The following NRCAM variants were observed in gnomAD, a reference collection of about 807,000 sequenced individuals.
NRCAM encodes the protein neuronal cell adhesion molecule.
NRCAM carries 83 observed loss-of-function variants against 156.5 expected under a neutral mutation model. The ratio of observed to expected loss-of-function variants is 0.53; its 90% CI spans 0.44 to 0.64. The LOEUF (loss-of-function observed/expected upper bound fraction) is 0.64, where lower values mean the gene tolerates loss of function less well. Among genes scored for constraint, NRCAM ranks in the 30% least tolerant of loss-of-function variants. The pLI is 0.00. For synonymous variants in NRCAM, 538 were observed against 563.9 expected, an observed-to-expected ratio of 0.95 and a Z score of 0.65; for missense variants, 1,417 against 1,597.3, an observed-to-expected ratio of 0.89 and a Z score of 1.92.
intron 5 of NRCAM, among the ~76,000 whole-genome samples, chr7:108,237,442 C>G (rs1381863704): frequency 1.3e-5 from 2 of 152,190 alleles, no homozygotes; most frequent in African/African-American, 2.4e-5. Flanking sequence ...TACAACAGAT[C>G]AGCATTCTCT....
intron 2 of NRCAM, among the ~76,000 whole-genome samples, chr7:108,321,131 T>C (rs1261392397): frequency 6.6e-6 from 1 of 152,244 alleles, no homozygotes; most frequent in Non-Finnish European, 1.5e-5. Flanking sequence ...CTGTCATTTA[T>C]ACAATTAAGA....
intron 3 of NRCAM, among the ~76,000 whole-genome samples, chr7:108,245,673 A>T (rs1015506605): frequency 2.0e-5 from 3 of 152,346 alleles, no homozygotes; most frequent in African/African-American, 7.2e-5. Flanking sequence ...TTCCAGAGAG[A>T]GTTCAGGCAT....
chr7:108,404,221 T>C (rs2099801119), intron 1 of NRCAM, among the ~76,000 whole-genome samples: 1 of 146,040 alleles, frequency 6.8e-6, no homozygotes, highest in South Asian at 2.3e-4. Flanking sequence ...ACGCCATCTC[T>C]GATGACCATT....
intron 8 of NRCAM, among the ~76,000 whole-genome samples, chr7:108,227,148 T>C (rs2093605218): frequency 6.6e-6 from 1 of 152,234 alleles, no homozygotes; most frequent in Admixed American, 6.5e-5. Flanking sequence ...TTCATCTGTT[T>C]TGTCCACTGG....
chr7:108,184,674 C>G (rs2065618177), intron 20 of NRCAM, 60 bp from the exon 21 acceptor site: 1 of 1,478,402 alleles, frequency 6.8e-7, no homozygotes, highest in Admixed American at 1.9e-5. Flanking sequence ...TCAGGGGTAG[C>G]TGCCAGCAAT....
At chr7:108,313,882 C>T (rs1318114178) in intron 2 of NRCAM, among the ~76,000 whole-genome samples, 1 of 152,022 alleles carries the variant, frequency 6.6e-6, no homozygotes, top group Non-Finnish European at 1.5e-5. Context: ...ATTCAGCAAA[C>T]TTATATTGAG....
In NRCAM at chr7:108,182,924, C is replaced by T. The variant is rs147845657; in HGVS notation, c.2305-4G>A. The T allele has an allele frequency of 1.2e-6, 2 of 1,612,270 alleles. No individual in the cohort carries two copies. The highest frequency in any genetic ancestry group is 1.7e-6 in the Non-Finnish European group (2 of 1,178,392). On this transcript the variant is annotated splice_region_variant and splice_polypyrimidine_tract_variant and intron_variant, in intron 22 of 32. Coordinates refer to ENST00000379028, the MANE Select transcript of NRCAM (RefSeq NM_001037132.4). ...TAGATTCGAAACCATTCAAGGGCTA[C>T]AAGGAAAGCCAAATAACCAGAGCTT...
At chr7:108,156,281 A>G (rs764587113) in intron 32 of NRCAM, 19 of 984,946 alleles carry the variant, frequency 1.9e-5, no homozygotes, top group Non-Finnish European at 2.3e-5. Flanking sequence ...AAGAGCCACC[A>G]ATTATGTAGT....
At chr7:108,385,660 A>C (rs2099738200) in intron 2 of NRCAM, among the ~76,000 whole-genome samples, 1 of 152,160 alleles carries the variant, frequency 6.6e-6, no homozygotes, top group African/African-American at 2.4e-5. Context: ...AATAATTAGA[A>C]AGGAGGGAGT....
chr7:108,239,254 T>C (rs1346487390), intron 4 of NRCAM, among the ~76,000 whole-genome samples: 2 of 152,194 alleles, frequency 1.3e-5, no homozygotes, highest in Admixed American at 1.3e-4. Flanking sequence ...GGAGGGCTAA[T>C]ACAGTAGCTG....
rs144741898 is a variant in NRCAM, at chr7:108,342,542, C to T, written c.-173-29811G>A. ...GTAAGATGGACACCTGAAGCAGAAG[C>T]GGCTTTCCAGGCCCTGAAGAAGGCC... On this transcript the variant is annotated intron_variant, in intron 2 of 32. Transcript: ENST00000379028. 6.2e-3 allele frequency among the ~76,000 whole-genome samples: 939 copies of T among 152,312 alleles called. 13 individuals are homozygous for T. The highest frequency in any genetic ancestry group is 0.02 in the African/African-American group (818 of 41,576).
chr7:108,184,136 T>TC lies in NRCAM; in HGVS notation c.2304+104dup, dbSNP rs1051998035. On this transcript the variant is annotated intron_variant, in intron 22 of 32. Transcript: ENST00000379028. ...TTTATATATATATATATATTTTTTT[T>TC]CCCCAGAAATAGGTGAAATGAGATT... 45 of 662,220 alleles carry TC rather than the reference T, an allele frequency of 6.8e-5. No homozygotes were observed. The African/African-American group carries it at 7.3e-4, about 11-fold the overall frequency. The allele number at this position is 662,220 out of a possible 1,614,324, so 41.0% of individuals were successfully genotyped here. A position where few individuals can be genotyped will look rare whatever the true frequency, so the allele number is the denominator to read the frequency against.
At chr7:108,333,047 G>T (rs529817878) in intron 2 of NRCAM, among the ~76,000 whole-genome samples, 2 of 152,256 alleles carry the variant, frequency 1.3e-5, no homozygotes, top group South Asian at 4.1e-4. Flanking sequence ...ACTTCCTTGG[G>T]ACTGCCCAGC....
At chr7:108,282,860 T>C (rs1430260472) in intron 3 of NRCAM, among the ~76,000 whole-genome samples, 2 of 152,254 alleles carry the variant, frequency 1.3e-5, no homozygotes, top group Non-Finnish European at 2.9e-5. Flanking sequence ...TCTCAAACTC[T>C]ACTGCACACT....
At chr7:108,202,942 G>C (rs2078970251) in intron 13 of NRCAM, among the ~76,000 whole-genome samples, 1 of 152,160 alleles carries the variant, frequency 6.6e-6, no homozygotes, top group Non-Finnish European at 1.5e-5. Flanking sequence ...TCAAGGATCT[G>C]CAAGTGTTAG....
chr7:108,201,988 A>G (rs1333617924), intron 13 of NRCAM, among the ~76,000 whole-genome samples: 2 of 152,208 alleles, frequency 1.3e-5, no homozygotes. Context: ...AGCTGGACAC[A>G]GAGTAAAATC....
chr7:108,443,891 GATACATACATACATAC>G (rs796654844), intron 1 of NRCAM, among the ~76,000 whole-genome samples: 2 of 145,800 alleles, frequency 1.4e-5, no homozygotes, highest in South Asian at 2.1e-4. Flanking sequence ...TAGATAGATA[GATACATACATACATAC>G]ATACATACAT....
chr7:108,426,695 C>T (rs1817719435), intron 1 of NRCAM, among the ~76,000 whole-genome samples: 1 of 152,188 alleles, frequency 6.6e-6, no homozygotes, highest in African/African-American at 2.4e-5. Flanking sequence ...ATTAAGCAAG[C>T]AAAACATGTA....
At chr7:108,429,712 GCTA>G (rs1333386177) in intron 1 of NRCAM, among the ~76,000 whole-genome samples, 2 of 152,270 alleles carry the variant, frequency 1.3e-5, no homozygotes, top group East Asian at 3.9e-4. Context: ...AGGTGTACTG[GCTA>G]CTATTTTATG....
Sources: gnomAD v4.1 joint callset for allele counts (sites outside exome capture counted in the v4.1 genomes callset) on GRCh38, gnomAD v4.1.1 for gene constraint, MANE v1.5 for transcripts, NCBI Gene and HGNC (gene_info 2026-07-23, HGNC 2026-07-21) for gene names.